SEMA3A: variants seen among roughly 807,000 people sequenced by gnomAD.
SEMA3A encodes the protein semaphorin 3A.
Under a neutral mutation model 97.9 loss-of-function variants are expected in SEMA3A, and 29 were observed. That is an observed-to-expected ratio of 0.30 (90% CI 0.22 to 0.40). The LOEUF (loss-of-function observed/expected upper bound fraction) is 0.40. Ranked by LOEUF, SEMA3A falls within the 10% of genes least tolerant of loss-of-function variation. The probability of loss-of-function intolerance (pLI) is 1.00; values close to 1 mark genes in which losing one functional copy is unlikely to be tolerated. For synonymous variants in SEMA3A, 321 were observed against 323.7 expected (o/e 0.99, Z 0.09); for missense variants, 763 against 951.3 (o/e 0.80, Z 2.60).
intron 12 of SEMA3A, among the ~76,000 whole-genome samples, chr7:83,988,417 TG>T (rs1348334651): frequency 2.0e-5 from 3 of 151,894 alleles, no homozygotes; most frequent in African/African-American, 7.3e-5. Flanking sequence ...TTAGTAGAGA[TG>T]GGGTTTCACC....
intron 1 of SEMA3A, among the ~76,000 whole-genome samples, chr7:84,392,195 A>G (rs1427051402): frequency 1.3e-5 from 2 of 152,108 alleles, no homozygotes; most frequent in African/African-American, 4.8e-5. Context: ...ACCTAAAACA[A>G]ACAAATTTAT....
intron 12 of SEMA3A, among the ~76,000 whole-genome samples, chr7:83,994,527 T>G (rs1415129066): frequency 1.5e-4 from 20 of 133,188 alleles, no homozygotes; most frequent in South Asian, 5.5e-4. Context: ...TTAGTTTTCC[T>G]TCTAACAGAC....
At position 84,429,519 on chromosome 7, in the gene SEMA3A, TATATATATATATA is replaced by T. The variant is rs1804915762; in HGVS notation, c.-245-57632_-245-57620del. On this transcript the variant is annotated intron_variant, in intron 1 of 3. Coordinates refer to the SEMA3A transcript ENST00000424555. ...CATTAGTAAAATATAGAGTTTGTTATATATATATATATATATATATATATATATAGCGAGAGAG... is the reference window on the plus strand; with the variant it reads ...CATTAGTAAAATATAGAGTTTGTTATTATATATATATATATAGCGAGAGAG... Among the ~76,000 whole-genome samples, 16 of 91,408 alleles carry T rather than the reference TATATATATATATA, an allele frequency of 1.8e-4. 1 individual carries two copies. The highest frequency in any genetic ancestry group is 6.4e-4 in the African/African-American group (16 of 24,942). 60.0% of individuals were successfully genotyped at this position (91,408 alleles called of 152,430 possible).
chr7:84,332,235 A>G (rs1801925455), intron 2 of SEMA3A, among the ~76,000 whole-genome samples: 1 of 152,126 alleles, frequency 6.6e-6, no homozygotes, highest in African/African-American at 2.4e-5. Context: ...AATAAACCCA[A>G]AATTCTAAGT....
At chr7:84,479,746 C>G (rs1477584197) in intron 1 of SEMA3A, among the ~76,000 whole-genome samples, 2 of 152,096 alleles carry the variant, frequency 1.3e-5, no homozygotes, top group East Asian at 1.9e-4. Context: ...ACGTCAATGA[C>G]ACGATGTACC....
At chr7:84,201,097 G>T (rs995749190) in intron 3 of SEMA3A, among the ~76,000 whole-genome samples, 8 of 151,996 alleles carry the variant, frequency 5.3e-5, no homozygotes, top group Non-Finnish European at 1.0e-4. Flanking sequence ...TAAGCAATAT[G>T]GTTTAAAGGA....
At chr7:84,416,687 T>G (rs1375630277) in intron 1 of SEMA3A, among the ~76,000 whole-genome samples, 1 of 152,146 alleles carries the variant, frequency 6.6e-6, no homozygotes, top group South Asian at 2.1e-4. Flanking sequence ...TTGACTTAAG[T>G]GAATAAAGGT....
At chr7:84,360,408 G>C (rs1802687311) in intron 2 of SEMA3A, among the ~76,000 whole-genome samples, 1 of 152,048 alleles carries the variant, frequency 6.6e-6, no homozygotes, top group Admixed American at 6.6e-5. Context: ...GTACCCAGTA[G>C]TCATTCAGCA....
At chr7:84,320,010 C>A (rs1796812807) in intron 2 of SEMA3A, among the ~76,000 whole-genome samples, 1 of 152,022 alleles carries the variant, frequency 6.6e-6, no homozygotes, top group Non-Finnish European at 1.5e-5. Flanking sequence ...TTTTGCTAAA[C>A]CCAAAGTAGG....
At chr7:84,369,375 CT>C (rs548148347) in intron 2 of SEMA3A, among the ~76,000 whole-genome samples, 1 of 150,676 alleles carries the variant, frequency 6.6e-6, no homozygotes, top group East Asian at 2.0e-4. Context: ...ATTCAACGTA[CT>C]TTTTTTTCCA....
chr7:84,034,256 T>A (rs1791865680), intron 6 of SEMA3A, among the ~76,000 whole-genome samples: 1 of 152,226 alleles, frequency 6.6e-6, no homozygotes, highest in African/African-American at 2.4e-5. Flanking sequence ...ATTACTGAGA[T>A]TACAGGCATG....
At chr7:84,077,014 TATC>T (rs1217873032) in intron 4 of SEMA3A, among the ~76,000 whole-genome samples, 2 of 152,268 alleles carry the variant, frequency 1.3e-5, no homozygotes, top group African/African-American at 4.8e-5. Flanking sequence ...TTTATGCAGA[TATC>T]ATATGCCTGC....
At chr7:84,261,648 A>G (rs894537886) in intron 3 of SEMA3A, among the ~76,000 whole-genome samples, 4 of 152,158 alleles carry the variant, frequency 2.6e-5, no homozygotes, top group African/African-American at 7.2e-5. Context: ...CCACCTTACC[A>G]CACCAGCTGG....
At chr7:84,302,376 T>C (rs1174936964) in intron 3 of SEMA3A, among the ~76,000 whole-genome samples, 1 of 152,140 alleles carries the variant, frequency 6.6e-6, no homozygotes, top group Non-Finnish European at 1.5e-5. Flanking sequence ...TCATCTAAAT[T>C]ATTCCTCAAT....
intron 2 of SEMA3A, among the ~76,000 whole-genome samples, chr7:84,368,265 C>T (rs932156899): frequency 6.6e-6 from 1 of 151,086 alleles, no homozygotes; most frequent in Non-Finnish European, 1.5e-5. Context: ...CTGAAAAGAA[C>T]TCAGTTTTTT....
intron 3 of SEMA3A, among the ~76,000 whole-genome samples, chr7:84,281,857 TG>T (rs1054986259): frequency 6.6e-6 from 1 of 152,188 alleles, no homozygotes; most frequent in African/African-American, 2.4e-5. Flanking sequence ...AATACTTGGT[TG>T]GCATAGCTAG....
chr7:84,456,206 G>A (rs1013151741), intron 1 of SEMA3A, among the ~76,000 whole-genome samples: 3 of 151,770 alleles, frequency 2.0e-5, no homozygotes, highest in Admixed American at 1.3e-4. Context: ...TAAATCCTCT[G>A]TGCTTATAAA....
At chr7:84,118,587 C>T (rs189823902) in intron 3 of SEMA3A, among the ~76,000 whole-genome samples, 2 of 152,260 alleles carry the variant, frequency 1.3e-5, no homozygotes, top group African/African-American at 4.8e-5. Context: ...TTAGTTTCTA[C>T]AAGACTGAGT....
At chr7:84,089,933 G>A (rs1794510526) in intron 4 of SEMA3A, among the ~76,000 whole-genome samples, 1 of 151,570 alleles carries the variant, frequency 6.6e-6, no homozygotes, top group Non-Finnish European at 1.5e-5. Flanking sequence ...GACTAAAGTA[G>A]GACATTTATA....
Sources: gnomAD v4.1 joint callset for allele counts (sites outside exome capture counted in the v4.1 genomes callset) on GRCh38, gnomAD v4.1.1 for gene constraint, MANE v1.5 for transcripts, NCBI Gene and HGNC (gene_info 2026-07-23, HGNC 2026-07-21) for gene names.